Variants in AFAP1L1 observed in about 807,000 individuals in gnomAD.
AFAP1L1 encodes the protein actin filament associated protein 1 like 1.
In AFAP1L1, 77 loss-of-function variants were observed where a neutral mutation model predicts 99.8. That is an observed-to-expected ratio of 0.77 (90% CI 0.64 to 0.93). The LOEUF (loss-of-function observed/expected upper bound fraction) is 0.93, where lower values mean the gene tolerates loss of function less well. AFAP1L1 is among the 40% of genes least tolerant of loss of function. The pLI is 0.00. For synonymous variants in AFAP1L1, 373 were observed against 395.3 expected (o/e 0.94, Z 0.67); for missense variants, 893 against 996.8 (o/e 0.90, Z 1.40).
At chr5:149,279,053 C>T (rs529392525) in intron 1 of AFAP1L1, among the ~76,000 whole-genome samples, 2 of 152,326 alleles carry the variant, frequency 1.3e-5, no homozygotes, top group Non-Finnish European at 2.9e-5. Context: ...TATTCACCAC[C>T]AAATCAGATG....
chr5:149,329,423 T>C (rs145849692), intron 15 of AFAP1L1, among the ~76,000 whole-genome samples: 345 of 152,278 alleles, frequency 2.3e-3, no homozygotes, highest in Admixed American at 4.4e-3. Context: ...CAGCTGAAGG[T>C]CAAAAATGCC....
At chr5:149,284,089 C>A (rs780627888) in intron 1 of AFAP1L1, among the ~76,000 whole-genome samples, 1 of 152,174 alleles carries the variant, frequency 6.6e-6, no homozygotes, top group Non-Finnish European at 1.5e-5. Context: ...TGGAGAAAAT[C>A]GTGGAAAGAA....
Position 149,338,281 on chromosome 5 carries a change from G to A in AFAP1L1, c.2284-1726G>A, listed in dbSNP as rs1183444657. On this transcript the variant is annotated intron_variant, in intron 18 of 18. Transcript: ENST00000296721. ...TCGAGATCAGCCTGGGCAACATGGCGAAACCCTGTGTCTACAAAAACTACA... is the reference window on the plus strand; with the variant it reads ...TCGAGATCAGCCTGGGCAACATGGCAAAACCCTGTGTCTACAAAAACTACA... 3.9e-5 allele frequency among the ~76,000 whole-genome samples: 6 copies of A among 152,110 alleles called. No homozygotes were observed. In the East Asian group the frequency reaches 5.8e-4, roughly 15 times the overall value.
intron 16 of AFAP1L1, among the ~76,000 whole-genome samples, chr5:149,332,107 G>A (rs746840662): frequency 6.6e-6 from 1 of 152,124 alleles, no homozygotes; most frequent in Non-Finnish European, 1.5e-5. Context: ...AAGAGAATGG[G>A]GGTAGTGGGG....
chr5:149,281,164 A>G (rs192376843), intron 1 of AFAP1L1, among the ~76,000 whole-genome samples: 8 of 152,294 alleles, frequency 5.3e-5, no homozygotes, highest in Admixed American at 5.2e-4. Context: ...GCTATGGGCA[A>G]GAAGGAACCT....
intron 1 of AFAP1L1, among the ~76,000 whole-genome samples, chr5:149,288,743 C>G (rs186283411): frequency 2.2e-4 from 34 of 152,334 alleles, no homozygotes; most frequent in Middle Eastern, 3.4e-3. Flanking sequence ...TCCTCTACCC[C>G]CTCCTGTGTG....
At chr5:149,273,486 C>T (rs1755203625) in intron 1 of AFAP1L1, among the ~76,000 whole-genome samples, 1 of 152,022 alleles carries the variant, frequency 6.6e-6, no homozygotes, top group African/African-American at 2.4e-5. Flanking sequence ...CCAGTTCAAC[C>T]TCCTCACTTG....
chr5:149,286,855 A>T (rs1232951600), intron 1 of AFAP1L1, among the ~76,000 whole-genome samples: 2 of 152,202 alleles, frequency 1.3e-5, no homozygotes, highest in African/African-American at 4.8e-5. Context: ...ACAACCAGTA[A>T]GTGTGGAGCT....
chr5:149,285,547 A>G (rs564172193), intron 1 of AFAP1L1, among the ~76,000 whole-genome samples: 19 of 152,238 alleles, frequency 1.2e-4, no homozygotes, highest in Admixed American at 9.1e-4. Flanking sequence ...TGTTGGATAC[A>G]TCTCACCTGG....
chr5:149,289,437 T>C (rs1755784948), intron 1 of AFAP1L1, among the ~76,000 whole-genome samples: 1 of 152,100 alleles, frequency 6.6e-6, no homozygotes, highest in Admixed American at 6.5e-5. Flanking sequence ...GACGAAGGCA[T>C]TGGCTTTGCA....
chr5:149,337,676 A>C (rs976819103), intron 18 of AFAP1L1, among the ~76,000 whole-genome samples: 2 of 152,232 alleles, frequency 1.3e-5, no homozygotes, highest in Admixed American at 1.3e-4. Context: ...AGGAACTTCC[A>C]AGCCAGTGAA....
chr5:149,326,545 TAAAA>T (rs59762007), intron 15 of AFAP1L1, among the ~76,000 whole-genome samples: 49 of 129,670 alleles, frequency 3.8e-4, no homozygotes, highest in Non-Finnish European at 4.5e-4. Flanking sequence ...TCGCCAAAAA[TAAAA>T]AAAAAAAAAA....
At chr5:149,303,685 A>G (rs1191655451) in intron 5 of AFAP1L1, among the ~76,000 whole-genome samples, 1 of 151,740 alleles carries the variant, frequency 6.6e-6, no homozygotes, top group East Asian at 1.9e-4. Flanking sequence ...GGTGTACACA[A>G]ACACACACAC....
At chr5:149,284,794 C>T (rs1295511558) in intron 1 of AFAP1L1, among the ~76,000 whole-genome samples, 1 of 152,140 alleles carries the variant, frequency 6.6e-6, no homozygotes, top group Non-Finnish European at 1.5e-5. Context: ...CAGCAGTGAG[C>T]TCACATTCGA....
At position 149,343,544 on chromosome 5, in the gene AFAP1L1, T is replaced by C. The variant is rs1433368573; in HGVS notation, c.*3514T>C. Among the ~76,000 whole-genome samples the C allele has an allele frequency of 6.6e-6, 1 of 150,832 alleles. No individual in the cohort carries two copies. Among genetic ancestry groups the C allele is most frequent in the Non-Finnish European group, 1.5e-5 (1 of 67,692 alleles). On this transcript the variant is annotated 3_prime_UTR_variant, in exon 19 of 19. Transcript: ENST00000296721. ...TATACTAGATGTCAGAAATCAGTGG[T>C]GAACAAGACAGACACCTCATGAAGC... is the stretch of plus-strand genomic sequence containing the variant.
At chr5:149,316,056 C>T in intron 10 of AFAP1L1, 95 bp from the exon 11 acceptor site, 1 of 1,580,766 alleles carries the variant, frequency 6.3e-7, no homozygotes, top group Non-Finnish European at 8.7e-7. Flanking sequence ...GAGCTGCAGG[C>T]CCATCCTGTA....
intron 1 of AFAP1L1, 99 bp from the exon 2 acceptor site, chr5:149,299,410 G>C: frequency 6.6e-7 from 1 of 1,518,076 alleles, no homozygotes; most frequent in South Asian, 1.3e-5. Context: ...CCTGCCCTCT[G>C]ACCCCTTCCG....
intron 9 of AFAP1L1, 88 bp downstream of exon 9, chr5:149,312,292 G>A: frequency 1.5e-6 from 2 of 1,349,754 alleles, no homozygotes; most frequent in Non-Finnish European, 1.1e-6. Context: ...TGGCTGGGGG[G>A]AAAGTCAGGC....
At chr5:149,306,503 C>T (rs1756419224) in intron 6 of AFAP1L1, 99 bp downstream of exon 6, 2 of 1,111,050 alleles carry the variant, frequency 1.8e-6, no homozygotes, top group South Asian at 3.1e-5. Flanking sequence ...CCACCAGCCC[C>T]TCACCCAGAC....
Sources: gnomAD v4.1 joint callset for allele counts (sites outside exome capture counted in the v4.1 genomes callset) on GRCh38, gnomAD v4.1.1 for gene constraint, MANE v1.5 for transcripts, NCBI Gene and HGNC (gene_info 2026-07-23, HGNC 2026-07-21) for gene names.